CRTC3: variants seen among roughly 807,000 people sequenced by gnomAD.
CRTC3 encodes the protein CREB-regulated transcription coactivator 3.
A neutral mutation model predicts 74.5 loss-of-function variants in CRTC3; 26 were observed. That is an observed-to-expected ratio of 0.35 (90% CI 0.26 to 0.48). The LOEUF is 0.48. Ranked by LOEUF, CRTC3 falls within the 20% of genes least tolerant of loss-of-function variation. The pLI is 0.99. For missense variants in CRTC3, 760 were observed against 787.3 expected (o/e 0.97, Z 0.41); for synonymous variants, 377 against 325.8 (o/e 1.16, Z -1.69).
Position 90,567,684 on chromosome 15 carries a change from G to A in CRTC3, c.232-25952G>A, listed in dbSNP as rs1363951569. Reference sequence around the variant, plus strand: ...GCCAGGGCAACAAGAGTGAAACTCCGTCTCAAAAAATAAATAAATAAATAA... The same window carrying A: ...GCCAGGGCAACAAGAGTGAAACTCCATCTCAAAAAATAAATAAATAAATAA... On this transcript the variant is annotated intron_variant, in intron 2 of 14. Transcript: ENST00000268184. Among the ~76,000 whole-genome samples the A allele has an allele frequency of 2.3e-4, 10 of 43,304 alleles. No homozygotes were observed. In the East Asian group the frequency reaches 3.5e-3, roughly 15 times the overall value. 28.4% of individuals were successfully genotyped at this position (43,304 alleles called of 152,430 possible).
intron 11 of CRTC3, among the ~76,000 whole-genome samples, chr15:90,637,189 T>A (rs1223941322): frequency 1.3e-5 from 2 of 152,030 alleles, no homozygotes; most frequent in Non-Finnish European, 1.5e-5. Context: ...ATTAAGAAAA[T>A]GTGGCACATA....
At chr15:90,609,994 A>G (rs577362460) in intron 6 of CRTC3, among the ~76,000 whole-genome samples, 1 of 152,364 alleles carries the variant, frequency 6.6e-6, no homozygotes, top group African/African-American at 2.4e-5. Context: ...TTGCCTTGCA[A>G]GTATAGCAGA....
In CRTC3 at chr15:90,563,292, G is replaced by C. The variant is rs577049322; in HGVS notation, c.231+23155G>C. 1.8e-3 allele frequency among the ~76,000 whole-genome samples: 268 copies of C among 152,164 alleles called. 2 individuals carry two copies. The highest frequency in any genetic ancestry group is 1.6e-3 in the Non-Finnish European group (112 of 68,018). On this transcript the variant is annotated intron_variant, in intron 2 of 14. Transcript: ENST00000268184. The stretch of plus-strand genomic sequence containing the variant: ...GGAGTGGTCAATGCCGGTAATCCCA[G>C]CTACTCGGGAGGCTGAGGCAGGAGA...
At chr15:90,546,712 C>T (rs567681366) in intron 2 of CRTC3, among the ~76,000 whole-genome samples, 91 of 152,174 alleles carry the variant, frequency 6.0e-4, no homozygotes, top group Middle Eastern at 6.8e-3. Context: ...AAGCTCTGCC[C>T]CCTGGGTTCA....
Position 90,638,580 on chromosome 15 carries a change from C to T in CRTC3, c.1401C>T (p.Ala467=), listed in dbSNP as rs1969324833. Residue 467 remains alanine, a synonymous_variant, in exon 12 of 15, where the codon GCC becomes GCT. Coordinates refer to ENST00000268184, the MANE Select transcript of CRTC3 (RefSeq NM_022769.5). ...PLLQQPRAPE[A]PAQQPQAASS... ...TGCAGCAGCCCCGCGCCCCTGAGGC[C>T]CCTGCCCAGCAGCCCCAGGCAGCCT... 1 of 1,613,064 alleles carries T rather than the reference C, an allele frequency of 6.2e-7. No homozygotes were observed. Among genetic ancestry groups the T allele is most frequent in the Non-Finnish European group, 8.5e-7 (1 of 1,179,934 alleles).
At chr15:90,603,260 G>C (rs189491601) in intron 4 of CRTC3, among the ~76,000 whole-genome samples, 3 of 149,336 alleles carry the variant, frequency 2.0e-5, no homozygotes, top group East Asian at 2.0e-4. Flanking sequence ...TCGCTAACAC[G>C]GTGAAACCCC....
At chr15:90,534,775 C>G (rs910363518) in intron 1 of CRTC3, among the ~76,000 whole-genome samples, 5 of 152,210 alleles carry the variant, frequency 3.3e-5, no homozygotes, top group Non-Finnish European at 5.9e-5. Context: ...CTACCACCCT[C>G]TAAGGTATTC....
intron 2 of CRTC3, among the ~76,000 whole-genome samples, chr15:90,553,980 G>A (rs1966869821): frequency 6.6e-6 from 1 of 152,150 alleles, no homozygotes; most frequent in African/African-American, 2.4e-5. Context: ...TAGTGTGATG[G>A]GCAAAAGGGT....
At chr15:90,552,552 C>A (rs1596078340) in intron 2 of CRTC3, among the ~76,000 whole-genome samples, 1 of 19,924 alleles carries the variant, frequency 5.0e-5, no homozygotes, top group South Asian at 2.5e-3. Flanking sequence ...CTTTCGTACT[C>A]CCTAGGATGA....
At chr15:90,625,388 G>C (rs1397031203) in intron 9 of CRTC3, among the ~76,000 whole-genome samples, 1 of 152,180 alleles carries the variant, frequency 6.6e-6, no homozygotes, top group Admixed American at 6.5e-5. Context: ...TATATTGGAA[G>C]GTAGCTAGTT....
At chr15:90,624,156 C>A (rs1473599069) in intron 9 of CRTC3, among the ~76,000 whole-genome samples, 1 of 152,166 alleles carries the variant, frequency 6.6e-6, no homozygotes, top group African/African-American at 2.4e-5. Context: ...CTGATGTGTG[C>A]AGGAGGGAAT....
rs572485447 is a variant in CRTC3, at chr15:90,554,279, C to T, written c.231+14142C>T. Reference sequence around the variant, plus strand: ...AGTGCAGTGGCGTGATCTTGGCTCACTGCAACCTCCCTCTCCTGGGCTCAA... The same window carrying T: ...AGTGCAGTGGCGTGATCTTGGCTCATTGCAACCTCCCTCTCCTGGGCTCAA... On this transcript the variant is annotated intron_variant, in intron 2 of 14. Coordinates refer to ENST00000268184, the MANE Select transcript of CRTC3 (RefSeq NM_022769.5). Among the ~76,000 whole-genome samples the T allele has an allele frequency of 6.7e-4, 102 of 151,764 alleles. No homozygotes were observed. The South Asian group carries it at 0.021, about 31-fold the overall frequency.
intron 6 of CRTC3, among the ~76,000 whole-genome samples, chr15:90,610,654 G>C (rs1968334461): frequency 6.6e-6 from 1 of 152,186 alleles, no homozygotes. Flanking sequence ...TCTATAAAGA[G>C]GGAATGTTGG....
chr15:90,640,040 C>T (rs774022539), intron 13 of CRTC3, among the ~76,000 whole-genome samples: 1 of 151,840 alleles, frequency 6.6e-6, no homozygotes, highest in Non-Finnish European at 1.5e-5. Flanking sequence ...CAAAGCAAGA[C>T]TCTGTCTCAA....
intron 8 of CRTC3, 101 bp downstream of exon 8, chr15:90,618,069 A>G: frequency 1.4e-6 from 1 of 716,022 alleles, no homozygotes; most frequent in East Asian, 2.6e-5. Context: ...AACTGGGGGA[A>G]AAGGAGAAGA....
intron 11 of CRTC3, among the ~76,000 whole-genome samples, chr15:90,633,878 C>T (rs1204520942): frequency 5.9e-5 from 9 of 151,930 alleles, no homozygotes; most frequent in East Asian, 5.8e-4. Flanking sequence ...TTGAGTTTTC[C>T]ATTTCTGCTC....
chr15:90,636,244 A>G (rs888385146), intron 11 of CRTC3, among the ~76,000 whole-genome samples: 12 of 152,050 alleles, frequency 7.9e-5, no homozygotes, highest in Admixed American at 6.6e-4. Context: ...GCCCTCAGAT[A>G]TAATGCCACA....
chr15:90,545,155 T>C (rs939300727), intron 2 of CRTC3, among the ~76,000 whole-genome samples: 2 of 152,212 alleles, frequency 1.3e-5, no homozygotes, highest in Admixed American at 6.5e-5. Flanking sequence ...GGTTCACCCG[T>C]GTTATAGTCT....
At chr15:90,559,479 C>G (rs189803119) in intron 2 of CRTC3, among the ~76,000 whole-genome samples, 1 of 152,320 alleles carries the variant, frequency 6.6e-6, no homozygotes, top group East Asian at 1.9e-4. Context: ...TAAAACCTCT[C>G]TAAACTTTAA....
Sources: gnomAD v4.1 joint callset for allele counts (sites outside exome capture counted in the v4.1 genomes callset) on GRCh38, gnomAD v4.1.1 for gene constraint, MANE v1.5 for transcripts, NCBI Gene and HGNC (gene_info 2026-07-23, HGNC 2026-07-21) for gene names.